The following CTNND2 variants were observed in gnomAD, a reference collection of about 807,000 sequenced individuals.
The protein encoded by CTNND2 is catenin delta-2.
A neutral mutation model predicts 144.4 loss-of-function variants in CTNND2; 22 were observed. The ratio of observed to expected loss-of-function variants is 0.15; its 90% CI spans 0.11 to 0.22. The LOEUF is 0.22. CTNND2 is among the 10% of genes least tolerant of loss of function. The pLI is 1.00. For synonymous variants in CTNND2, 751 were observed against 695.6 expected, an observed-to-expected ratio of 1.08 and a Z score of -1.25; for missense variants, 1,353 against 1,618.8, an observed-to-expected ratio of 0.84 and a Z score of 2.82.
intron 3 of CTNND2, among the ~76,000 whole-genome samples, chr5:11,432,356 A>G (rs1028237970): frequency 1.3e-5 from 2 of 151,832 alleles, no homozygotes; most frequent in East Asian, 3.9e-4. Context: ...TTTGAGCCAG[A>G]TTTTGAAAGA....
At chr5:11,176,046 G>C (rs1201134606) in intron 11 of CTNND2, among the ~76,000 whole-genome samples, 1 of 152,094 alleles carries the variant, frequency 6.6e-6, no homozygotes, top group South Asian at 2.1e-4. Flanking sequence ...TTATTTCCCA[G>C]TTGGGTCATG....
Position 11,319,891 on chromosome 5 carries a change from G to T in CTNND2, c.1628+26481C>A, listed in dbSNP as rs572149053. ...TTGGATTTTCTTCAGCTGATGATCAGAATATTTTAGCCTGTCATATTTTAG... is the reference window on the plus strand; with the variant it reads ...TTGGATTTTCTTCAGCTGATGATCATAATATTTTAGCCTGTCATATTTTAG... On this transcript the variant is annotated intron_variant, in intron 9 of 21. Coordinates refer to ENST00000304623, the MANE Select transcript of CTNND2 (RefSeq NM_001332.4). Among the ~76,000 whole-genome samples the T allele has an allele frequency of 2.6e-5, 4 of 152,284 alleles. No homozygotes were observed. In the South Asian group the frequency reaches 8.3e-4, roughly 32 times the overall value.
At chr5:11,573,283 G>A (rs1299710643) in intron 2 of CTNND2, among the ~76,000 whole-genome samples, 3 of 152,206 alleles carry the variant, frequency 2.0e-5, no homozygotes, top group South Asian at 4.1e-4. Context: ...TCACCACTCT[G>A]TAGGTGAGTT....
chr5:11,428,396 T>C (rs31896), intron 3 of CTNND2, among the ~76,000 whole-genome samples: 45,970 of 151,926 alleles, frequency 0.3, 7,314 homozygotes, highest in African/African-American at 0.38. Context: ...ACTGTGAGGA[T>C]CTCCTTGACC....
chr5:11,126,104 C>A (rs1754646140), intron 12 of CTNND2, among the ~76,000 whole-genome samples: 1 of 152,156 alleles, frequency 6.6e-6, no homozygotes, highest in Non-Finnish European at 1.5e-5. Flanking sequence ...GAGTTCGAGA[C>A]CAGCCTGACC....
At chr5:11,488,981 C>T (rs1769117126) in intron 3 of CTNND2, among the ~76,000 whole-genome samples, 1 of 152,142 alleles carries the variant, frequency 6.6e-6, no homozygotes, top group African/African-American at 2.4e-5. Flanking sequence ...CAGGTTATTT[C>T]CAGTTTTGGA....
intron 3 of CTNND2, among the ~76,000 whole-genome samples, chr5:11,555,858 G>GA (rs887664220): frequency 6.6e-6 from 1 of 151,998 alleles, no homozygotes; most frequent in African/African-American, 2.4e-5. Flanking sequence ...GAAAAACTTG[G>GA]AAAAAAACAA....
chr5:11,345,062 C>T lies in CTNND2; in HGVS notation c.1628+1310G>A, dbSNP rs1425713721. ...CACATATTTTTGTCTTTTAGCATTT[C>T]TTAAGGGTTCACTATTACGCTATTT... On this transcript the variant is annotated intron_variant, in intron 9 of 21. Transcript: ENST00000304623. 2.6e-5 allele frequency among the ~76,000 whole-genome samples: 4 copies of T among 152,056 alleles called. No individual in the cohort carries two copies. In the East Asian group the frequency reaches 7.7e-4, roughly 29 times the overall value.
At chr5:11,281,954 C>T (rs901102875) in intron 9 of CTNND2, among the ~76,000 whole-genome samples, 3 of 152,180 alleles carry the variant, frequency 2.0e-5, no homozygotes, top group Non-Finnish European at 4.4e-5. Context: ...AATAAACTAT[C>T]CCAAAACTTA....
chr5:11,471,157 T>C (rs535296334), intron 3 of CTNND2, among the ~76,000 whole-genome samples: 251 of 151,424 alleles, frequency 1.7e-3, no homozygotes, highest in Non-Finnish European at 3.0e-3. Flanking sequence ...TTTTGTATTT[T>C]TAGTAGAGAC....
intron 1 of CTNND2, among the ~76,000 whole-genome samples, chr5:11,830,884 T>G (rs1347915875): frequency 6.6e-6 from 1 of 152,208 alleles, no homozygotes; most frequent in Non-Finnish European, 1.5e-5. Flanking sequence ...GAAAAATCTA[T>G]TTTTAAAATA....
intron 3 of CTNND2, among the ~76,000 whole-genome samples, chr5:11,436,799 C>A (rs1440563715): frequency 6.6e-6 from 1 of 152,180 alleles, no homozygotes; most frequent in Non-Finnish European, 1.5e-5. Context: ...TAATATTTCC[C>A]TTTTGAATTG....
chr5:11,660,511 G>A (rs547464738), intron 2 of CTNND2, among the ~76,000 whole-genome samples: 15 of 152,134 alleles, frequency 9.9e-5, no homozygotes, highest in East Asian at 5.8e-4. Context: ...CTAAAAATAC[G>A]GGTCTTCAGC....
chr5:10,998,983 T>A (rs943296431), intron 18 of CTNND2, among the ~76,000 whole-genome samples: 1 of 152,176 alleles, frequency 6.6e-6, no homozygotes, highest in South Asian at 2.1e-4. Context: ...TCATGGAAAC[T>A]CATGGAACAC....
At chr5:11,808,970 AT>A (rs1344742219) in intron 1 of CTNND2, among the ~76,000 whole-genome samples, 2 of 152,202 alleles carry the variant, frequency 1.3e-5, no homozygotes, top group Non-Finnish European at 2.9e-5. Flanking sequence ...AGCTGTGAGA[AT>A]TATCATCGCT....
intron 9 of CTNND2, among the ~76,000 whole-genome samples, chr5:11,332,356 G>A (rs1157470927): frequency 6.6e-6 from 1 of 151,580 alleles, no homozygotes; most frequent in Non-Finnish European, 1.5e-5. Context: ...CAGGATCCAT[G>A]AGGCCTGGGT....
intron 2 of CTNND2, among the ~76,000 whole-genome samples, chr5:11,651,521 C>T (rs1237093708): frequency 1.3e-5 from 2 of 152,326 alleles, no homozygotes; most frequent in Non-Finnish European, 2.9e-5. Flanking sequence ...AGGGCTACCA[C>T]CTTTCAGAAC....
At chr5:11,399,907 C>T (rs796903928) in intron 5 of CTNND2, among the ~76,000 whole-genome samples, 8 of 152,324 alleles carry the variant, frequency 5.3e-5, no homozygotes, top group African/African-American at 1.9e-4. Flanking sequence ...GGTTTTAAAT[C>T]AGTGTCATTT....
chr5:11,485,419 A>G (rs997721057), intron 3 of CTNND2, among the ~76,000 whole-genome samples: 2 of 151,652 alleles, frequency 1.3e-5, no homozygotes, highest in African/African-American at 4.9e-5. Flanking sequence ...ATCCCCCCAA[A>G]ATATCTATTT....
Sources: allele counts gnomAD v4.1 joint callset (sites outside exome capture counted in the v4.1 genomes callset), GRCh38; gene constraint gnomAD v4.1.1; transcripts MANE v1.5; gene names NCBI Gene and HGNC (gene_info 2026-07-23, HGNC 2026-07-21).